The following ZC3H3 variants were observed in gnomAD, a reference collection of about 807,000 sequenced individuals.
The protein encoded by ZC3H3 is zinc finger CCCH-type containing 3.
ZC3H3 carries 36 observed loss-of-function variants against 77.3 expected under a neutral mutation model. The ratio of observed to expected loss-of-function variants is 0.47; its 90% CI spans 0.36 to 0.61. ZC3H3 has a LOEUF of 0.61. Among genes scored for constraint, ZC3H3 ranks in the 20% least tolerant of loss-of-function variants. ZC3H3 has a pLI of 0.00. For synonymous variants in ZC3H3, 626 were observed against 555.2 expected, an observed-to-expected ratio of 1.13 and a Z score of -1.79; for missense variants, 1,331 against 1,312.2, an observed-to-expected ratio of 1.01 and a Z score of -0.22.
intron 3 of ZC3H3, among the ~76,000 whole-genome samples, chr8:143,515,602 T>TC (rs1822013880): frequency 6.6e-6 from 1 of 152,030 alleles, no homozygotes; most frequent in South Asian, 2.1e-4. Context: ...AGGCAGAACG[T>TC]CCCCATCACG....
rs1002631513 is a variant in ZC3H3 at position 143,470,505 on chromosome 8, C to T, written c.1904-1846G>A. ...GCAGCAGGGCCCAGTCCAGACGGCA[C>T]GGGCACGCCCTCACACCTGCCAGCC... On this transcript the variant is annotated intron_variant, in intron 5 of 11. Coordinates refer to ENST00000262577, the MANE Select transcript of ZC3H3 (RefSeq NM_015117.3). Among the ~76,000 whole-genome samples, 58 of 152,308 alleles carry T rather than the reference C, an allele frequency of 3.8e-4. 2 individuals carry two copies. The highest frequency in any genetic ancestry group is 2.4e-4 in the African/African-American group (10 of 41,568).
intron 9 of ZC3H3, among the ~76,000 whole-genome samples, chr8:143,465,298 C>T (rs1451435825): frequency 1.3e-5 from 2 of 150,734 alleles, no homozygotes; most frequent in Non-Finnish European, 3.0e-5. Context: ...GTCCCGTCCA[C>T]CCCCTGCCTT....
rs1248906393 is a variant in ZC3H3, at chr8:143,495,117, A to G, written c.1715+12629T>C. Among the ~76,000 whole-genome samples the G allele has an allele frequency of 2.0e-5, 3 of 152,224 alleles. No homozygotes were observed. The East Asian group carries it at 5.8e-4, about 29-fold the overall frequency. On this transcript the variant is annotated intron_variant, in intron 4 of 11. Coordinates refer to ENST00000262577, the MANE Select transcript of ZC3H3 (RefSeq NM_015117.3). ...AGTCATGGAAACACAGGTGCACAGA[A>G]AGAGCTGCACAAGGACTCAGCAGGC...
chr8:143,513,426 C>G (rs1037627787), intron 3 of ZC3H3, among the ~76,000 whole-genome samples: 1 of 152,208 alleles, frequency 6.6e-6, no homozygotes, highest in African/African-American at 2.4e-5. Flanking sequence ...ATCCTGCCCC[C>G]ACCAAGGCTG....
chr8:143,454,271 A>C (rs1185931416), intron 9 of ZC3H3, among the ~76,000 whole-genome samples: 1 of 145,480 alleles, frequency 6.9e-6, no homozygotes, highest in Non-Finnish European at 1.5e-5. Context: ...TTGTAACTTT[A>C]GTAGAGACAG....
intron 4 of ZC3H3, among the ~76,000 whole-genome samples, chr8:143,485,197 A>T (rs1821020057): frequency 1.3e-5 from 2 of 152,184 alleles, no homozygotes; most frequent in South Asian, 4.1e-4. Flanking sequence ...AACAGGAGGG[A>T]GGCAGGCGGG....
Position 143,472,085 on chromosome 8 carries a change from C to T in ZC3H3, c.1903+3313G>A, listed in dbSNP as rs144855958. 3.1e-3 allele frequency among the ~76,000 whole-genome samples: 475 copies of T among 152,364 alleles called. 2 individuals are homozygous for T. Among genetic ancestry groups the T allele is most frequent in the Non-Finnish European group, 4.9e-3 (334 of 68,026 alleles). ...CTACTCGATGGCAGGCGGGCCTCCC[C>T]AGGGGCAGGGGTGGGAGCAAGGAGG... On this transcript the variant is annotated intron_variant, in intron 5 of 11. Transcript: ENST00000262577.
chr8:143,498,491 C>T (rs1213403231), intron 4 of ZC3H3, among the ~76,000 whole-genome samples: 1 of 152,112 alleles, frequency 6.6e-6, no homozygotes. Flanking sequence ...GAGGAAGGGC[C>T]GTGGAGGCTG....
chr8:143,472,502 T>C (rs574667286), intron 5 of ZC3H3, among the ~76,000 whole-genome samples: 8 of 152,244 alleles, frequency 5.3e-5, no homozygotes, highest in African/African-American at 1.9e-4. Context: ...TCCTCCCCAC[T>C]GCTGAGCGGG....
rs943608857 is a variant in ZC3H3 at position 143,460,810 on chromosome 8, T to C, written c.2307+4907A>G. ...AAGGACAGATGCTGGATGATTCCAC[T>C]GACGGGACACAGCTAGACCCTGGAA... On this transcript the variant is annotated intron_variant, in intron 9 of 11. Transcript: ENST00000262577. The surrounding 1 kb of genome is among the most constrained non-coding windows in gnomAD (Gnocchi z 4.0). Among the ~76,000 whole-genome samples the C allele has an allele frequency of 5.3e-5, 8 of 152,198 alleles. No homozygotes were observed. The highest frequency in any genetic ancestry group is 1.7e-4 in the African/African-American group (7 of 41,456).
intron 7 of ZC3H3, 28 bp downstream of exon 7, chr8:143,468,354 C>G (rs1336086399): frequency 6.2e-7 from 1 of 1,611,712 alleles, no homozygotes; most frequent in African/African-American, 1.3e-5. Flanking sequence ...GAACCTCCCC[C>G]AGGCCCACAG....
At chr8:143,539,828 G>A (rs1822950729) in intron 1 of ZC3H3, among the ~76,000 whole-genome samples, 4 of 152,226 alleles carry the variant, frequency 2.6e-5, no homozygotes, top group Admixed American at 2.6e-4. Flanking sequence ...TAGGAGCAGA[G>A]GCCATTGCTC....
rs1049012368 is a variant in ZC3H3, at chr8:143,439,655, C to A, written c.2815+386G>T. 2.0e-5 allele frequency among the ~76,000 whole-genome samples: 3 copies of A among 152,198 alleles called. No individual in the cohort carries two copies. In the East Asian group the frequency reaches 5.8e-4, roughly 29 times the overall value. ...ATCAGCCCTCAGCTGGGGCAGACTGCGCAGCGGCCACCGCTACACTCGCAC... is the reference window on the plus strand; with the variant it reads ...ATCAGCCCTCAGCTGGGGCAGACTGAGCAGCGGCCACCGCTACACTCGCAC... On this transcript the variant is annotated intron_variant, in intron 11 of 11. Coordinates refer to ENST00000262577, the MANE Select transcript of ZC3H3 (RefSeq NM_015117.3).
At chr8:143,511,407 G>T (rs945853400) in intron 3 of ZC3H3, among the ~76,000 whole-genome samples, 3 of 152,224 alleles carry the variant, frequency 2.0e-5, no homozygotes, top group African/African-American at 7.2e-5. Flanking sequence ...GAACTTCAAA[G>T]GGAAATAACT....
At chr8:143,442,434 G>GGGGT (rs2129791109) in intron 9 of ZC3H3, among the ~76,000 whole-genome samples, 1 of 3,950 alleles carries the variant, frequency 2.5e-4, no homozygotes, top group East Asian at 2.8e-3. Flanking sequence ...AAGGCCTCCG[G>GGGGT]GGGGGGGGGG....
chr8:143,474,746 G>C (rs1416319451), intron 5 of ZC3H3, among the ~76,000 whole-genome samples: 1 of 152,194 alleles, frequency 6.6e-6, no homozygotes, highest in Non-Finnish European at 1.5e-5. Context: ...CAAGAAAGGG[G>C]GTAAAATTGG....
intron 4 of ZC3H3, among the ~76,000 whole-genome samples, chr8:143,495,691 C>T (rs1821327025): frequency 6.6e-6 from 1 of 152,122 alleles, no homozygotes; most frequent in African/African-American, 2.4e-5. Flanking sequence ...AAGCGATCCT[C>T]CTGACTCAGC....
At position 143,538,165 on chromosome 8, in the gene ZC3H3, T is replaced by C; in HGVS notation, c.1202A>G (p.Lys401Arg). 7 of 1,613,042 alleles carry C rather than the reference T, an allele frequency of 4.3e-6. No homozygotes were observed. The highest frequency in any genetic ancestry group is 5.9e-6 in the Non-Finnish European group (7 of 1,180,010). ...SFRWQSEASS[K>R]DHASQLSPVL... Reference sequence around the variant, plus strand: ...TGGGGAGAGCTGGGAGGCATGGTCCTTGCTGCTGGCCTCCGACTGCCAACG... The same window carrying C: ...TGGGGAGAGCTGGGAGGCATGGTCCCTGCTGCTGGCCTCCGACTGCCAACG... Residue 401 changes from lysine (K) to arginine (R), a missense_variant, in exon 2 of 12, where the codon AAG becomes AGG. Coordinates refer to ENST00000262577, the MANE Select transcript of ZC3H3 (RefSeq NM_015117.3).
In ZC3H3 at chr8:143,502,360, G is replaced by A. The variant is rs574830226; in HGVS notation, c.1715+5386C>T. On this transcript the variant is annotated intron_variant, in intron 4 of 11. Transcript: ENST00000262577. ...CATTAAGGAGACACGCGTGGGGAGC[G>A]CAGCATCGCAGTGAGGACCCCTCCC... Among the ~76,000 whole-genome samples the A allele has an allele frequency of 1.0e-4, 16 of 152,382 alleles. No homozygotes were observed. The East Asian group carries it at 1.5e-3, about 15-fold the overall frequency.
Sources: gnomAD v4.1 joint callset for allele counts (sites outside exome capture counted in the v4.1 genomes callset) on GRCh38, gnomAD v4.1.1 for gene constraint, Gnocchi (gnomAD v3.1) non-coding constraint, MANE v1.5 for transcripts, NCBI Gene and HGNC (gene_info 2026-07-23, HGNC 2026-07-21) for gene names.